Variants in PROM2 observed in about 807,000 individuals in gnomAD.
PROM2 encodes the protein prominin 2, also known as prominin-2.
PROM2 carries 90 observed loss-of-function variants against 110.2 expected under a neutral mutation model. That is an observed-to-expected ratio of 0.82 (90% CI 0.69 to 0.97). PROM2 has a LOEUF of 0.97. PROM2 is among the 50% of genes least tolerant of loss of function. PROM2 has a pLI of 0.00. For synonymous variants in PROM2, 470 were observed against 467.8 expected (o/e 1.00, Z -0.06); for missense variants, 1,009 against 1,074.8 (o/e 0.94, Z 0.86).
Position 95,285,054 on chromosome 2 carries a change from A to C in PROM2, c.1814A>C (p.Asp605Ala). ...CTGCTGAGCTCAGCCGCCCGCCGGGACCTGGAGGCCCTGCAGAGCAGTGGG... is the reference window on the plus strand; with the variant it reads ...CTGCTGAGCTCAGCCGCCCGCCGGGCCCTGGAGGCCCTGCAGAGCAGTGGG... ...LDLLSSAARR[D>A]LEALQSSGLQ... Residue 605 changes from aspartate to alanine, a missense_variant, in exon 15 of 24, where the codon GAC (aspartate) becomes GCC (alanine). Physicochemically the swap from Asp to Ala is moderately radical, Grantham distance 126. Coordinates refer to ENST00000317620, the MANE Select transcript of PROM2 (RefSeq NM_001165978.3). 1 of 1,597,824 alleles carries C rather than the reference A, an allele frequency of 6.3e-7. No homozygotes were observed. Among genetic ancestry groups the C allele is most frequent in the Admixed American group, 1.7e-5 (1 of 58,182 alleles).
intron 8 of PROM2, 39 bp from the exon 9 acceptor site, chr2:95,278,682 G>A (rs1676825312): frequency 1.2e-6 from 2 of 1,613,328 alleles, no homozygotes; most frequent in Admixed American, 1.7e-5. Context: ...GGGACACTGG[G>A]CAGAGATGGG....
chr2:95,275,907 C>T lies in PROM2; in HGVS notation c.295-23C>T, dbSNP rs779771928. On this transcript the variant is annotated intron_variant, in intron 2 of 23. Transcript: ENST00000317620. The surrounding 1 kb of genome is among the most constrained non-coding windows in gnomAD (Gnocchi z 4.4). The stretch of plus-strand genomic sequence containing the variant: ...CTGGGCAGTGGGGGTCGGGTCACCC[C>T]TCATGCCCTGCTGCCTGCCCAGGTG... The T allele has an allele frequency of 2.5e-5, 40 of 1,597,496 alleles. No homozygotes were observed. Among genetic ancestry groups the T allele is most frequent in the Non-Finnish European group, 2.9e-5 (34 of 1,173,944 alleles).
At chr2:95,286,616 A>G in intron 17 of PROM2, 45 bp downstream of exon 17, 1 of 1,542,872 alleles carries the variant, frequency 6.5e-7, no homozygotes, top group Non-Finnish European at 8.9e-7. Context: ...GGGAGGGGAG[A>G]CGTGGAGAGG....
chr2:95,287,549 G>C, intron 20 of PROM2, 85 bp downstream of exon 20: 1 of 1,420,480 alleles, frequency 7.0e-7, no homozygotes, highest in Non-Finnish European at 9.8e-7. Flanking sequence ...CCCGCCCCCG[G>C]AGCCCCTTGG....
At chr2:95,284,837 A>G in intron 14 of PROM2, 132 bp from the exon 15 acceptor site, 1 of 1,077,466 alleles carries the variant, frequency 9.3e-7, no homozygotes. Flanking sequence ...CGGGGATCAC[A>G]TTGCAACATG....
Position 95,287,442 on chromosome 2 carries a change from A to G in PROM2, c.2222A>G (p.Tyr741Cys), listed in dbSNP as rs766646820. Residue 741 changes from tyrosine to cysteine, a missense_variant, in exon 20 of 24, where the codon TAC (tyrosine) becomes TGC (cysteine). Transcript: ENST00000317620. ...LAREMGYFSQYVAWVREEVTQ... is the reference protein window; with the variant it reads ...LAREMGYFSQCVAWVREEVTQ... ...CGGGAGATGGGCTACTTCTCCCAGTACGTGGCCTGGGTGAGAGAGGAGGTG... is the reference window on the plus strand; with the variant it reads ...CGGGAGATGGGCTACTTCTCCCAGTGCGTGGCCTGGGTGAGAGAGGAGGTG... The G allele has an allele frequency of 1.2e-6, 2 of 1,613,982 alleles. No homozygotes were observed. Among genetic ancestry groups the G allele is most frequent in the Non-Finnish European group, 1.7e-6 (2 of 1,179,986 alleles).
chr2:95,276,629 C>A lies in PROM2; in HGVS notation c.654C>A (p.Pro218=). Residue 218 remains proline (P), a synonymous_variant, in exon 5 of 24, where the codon CCC becomes CCA. Coordinates refer to ENST00000317620, the MANE Select transcript of PROM2 (RefSeq NM_001165978.3). This position sits in a 1 kb window ranked among gnomAD's most constrained non-coding sequence, Gnocchi z 4.6. ...CCGTGGCACAGCAATTCTCCCTGCC[C>A]CAGGAGCAAGTCTCAGAGGAGCTGG... ...LQAVAQQFSL[P]QEQVSEELDG... is the part of the protein sequence containing the mutation. 6.2e-7 allele frequency: 1 copy of A among 1,613,410 alleles called. No individual in the cohort carries two copies. The highest frequency in any genetic ancestry group is 1.1e-5 in the South Asian group (1 of 91,036).
intron 16 of PROM2, among the ~76,000 whole-genome samples, chr2:95,285,912 C>T (rs1403285631): frequency 2.6e-5 from 4 of 152,222 alleles, no homozygotes; most frequent in Non-Finnish European, 5.9e-5. Context: ...GGCTGTGTGG[C>T]CTTGGGCAAG....
At chr2:95,277,164 C>A (rs1263764474) in intron 6 of PROM2, 103 bp downstream of exon 6, 3 of 1,193,096 alleles carry the variant, frequency 2.5e-6, no homozygotes, top group Non-Finnish European at 3.5e-6. Flanking sequence ...ACCTCTGCCC[C>A]ACCTGTGACT....
In PROM2 at chr2:95,287,165, C is replaced by G; in HGVS notation, c.2127C>G (p.Thr709=). The G allele has an allele frequency of 6.2e-7, 1 of 1,614,032 alleles. No individual in the cohort carries two copies. The highest frequency in any genetic ancestry group is 8.5e-7 in the Non-Finnish European group (1 of 1,180,024). The change falls in exon 19 of 24, where the codon ACC becomes ACG. Residue 709 remains threonine (T), a synonymous_variant. Coordinates refer to ENST00000317620, the MANE Select transcript of PROM2 (RefSeq NM_001165978.3). ...LETSDVLANV[T]YLKGELPAWA... ...CCTCAGATGTCCTAGCCAATGTCAC[C>G]TACCTGAAAGGAGAGCTGCCTGCCT...
In PROM2 at chr2:95,276,911, G is replaced by T; in HGVS notation, c.683-61G>T. ...GGTGGGGCCTGGGGAGGCAGGATGG[G>T]AATGGGGAGGGCCCCTCCACTCTTG... On this transcript the variant is annotated intron_variant, in intron 5 of 23. Coordinates refer to ENST00000317620, the MANE Select transcript of PROM2 (RefSeq NM_001165978.3). This position sits in a 1 kb window ranked among gnomAD's most constrained non-coding sequence, Gnocchi z 4.6. The T allele has an allele frequency of 6.6e-7, 1 of 1,509,988 alleles. No homozygotes were observed. 93.5% of individuals were successfully genotyped at this position (1,509,988 alleles called of 1,614,324 possible).
intron 20 of PROM2, 86 bp from the exon 21 acceptor site, chr2:95,288,125 G>A: frequency 7.2e-7 from 1 of 1,384,806 alleles, no homozygotes; most frequent in South Asian, 1.2e-5. Flanking sequence ...CTGTGTCCCT[G>A]TCAACCACTC....
chr2:95,281,586 C>T (rs916941306), intron 12 of PROM2, among the ~76,000 whole-genome samples: 1 of 152,118 alleles, frequency 6.6e-6, no homozygotes, highest in Non-Finnish European at 1.5e-5. Context: ...GGCCCCAGGG[C>T]AGGGACCCTG....
intron 22 of PROM2, 145 bp from the exon 23 acceptor site, chr2:95,288,788 T>C: frequency 1.1e-6 from 1 of 885,668 alleles, no homozygotes; most frequent in Non-Finnish European, 1.9e-6. Flanking sequence ...TCTTGCTGCA[T>C]CCATTTGGGC....
At chr2:95,277,141 GATTTCCT>G in intron 6 of PROM2, 80 bp downstream of exon 6, 1 of 1,326,508 alleles carries the variant, frequency 7.5e-7, no homozygotes. Flanking sequence ...CCTAGCCCTG[GATTTCCT>G]GAGCCACCTC....
Position 95,288,838 on chromosome 2 carries a change from C to T in PROM2, c.2442-95C>T, listed in dbSNP as rs982777322. 121 of 1,300,386 alleles carry T rather than the reference C, an allele frequency of 9.3e-5. No homozygotes were observed. In the African/African-American group the frequency reaches 1.1e-3, roughly 12 times the overall value. The allele number at this position is 1,300,386 out of a possible 1,614,324, so 80.6% of individuals were successfully genotyped here. ...CCCTTCCCATCCCCCACAGGGCTTC[C>T]GAGGAGAAACCCTCAGGGCTCTGGG... On this transcript the variant is annotated intron_variant, in intron 22 of 23. Transcript: ENST00000317620.
chr2:95,280,138 C>A, intron 11 of PROM2, 141 bp downstream of exon 11: 1 of 831,980 alleles, frequency 1.2e-6, no homozygotes, highest in Non-Finnish European at 1.6e-6. Flanking sequence ...GCAGGAATGG[C>A]CAACAAGGAG....
At chr2:95,280,054 C>G in intron 11 of PROM2, 57 bp downstream of exon 11, 1 of 1,351,962 alleles carries the variant, frequency 7.4e-7, no homozygotes. Flanking sequence ...GCTGATTACT[C>G]TCGCTCCTGA....
chr2:95,285,572 G>T lies in PROM2; in HGVS notation c.1876-67G>T. ...ATAAGACTGGGGATTTGGAGGCTGG[G>T]ATCAGGTGGTGGTGGGCCCCAGGGG... On this transcript the variant is annotated intron_variant, in intron 15 of 23. Transcript: ENST00000317620. 2.2e-6 allele frequency: 3 copies of T among 1,344,052 alleles called. No homozygotes were observed. The South Asian group carries it at 3.8e-5, about 17-fold the overall frequency. 83.3% of individuals were successfully genotyped at this position (1,344,052 alleles called of 1,614,324 possible).
Sources: gnomAD v4.1 joint callset for allele counts (sites outside exome capture counted in the v4.1 genomes callset) on GRCh38, gnomAD v4.1.1 for gene constraint, Gnocchi (gnomAD v3.1) non-coding constraint, MANE v1.5 for transcripts, NCBI Gene and HGNC (gene_info 2026-07-23, HGNC 2026-07-21) for gene names.